Variants in WDR3 observed in about 807,000 individuals in gnomAD.
The protein encoded by WDR3 is WD repeat domain 3.
A neutral mutation model predicts 123.7 loss-of-function variants in WDR3; 81 were observed. That is an observed-to-expected ratio of 0.65 (90% confidence interval 0.55 to 0.79). The LOEUF (loss-of-function observed/expected upper bound fraction) is 0.79. Among genes scored for constraint, WDR3 ranks in the 30% least tolerant of loss-of-function variants. The pLI, the probability that WDR3 is intolerant of heterozygous loss-of-function variation, is 0.00. For missense variants in WDR3, 1,027 were observed against 1,123.2 expected (o/e 0.91, Z 1.22); for synonymous variants, 390 against 388.8 (o/e 1.00, Z -0.04).
At chr1:117,953,793 C>T in intron 21 of WDR3, 1 of 602,260 alleles carries the variant, frequency 1.7e-6, no homozygotes, top group South Asian at 2.2e-5. Context: ...TATCATCCCA[C>T]CTGAGTCCAT....
At chr1:117,949,346 C>G (rs570821617) in intron 13 of WDR3, among the ~76,000 whole-genome samples, 1 of 152,016 alleles carries the variant, frequency 6.6e-6, no homozygotes, top group African/African-American at 2.4e-5. Context: ...TTCTTGATAA[C>G]GGAAAACAGC....
intron 24 of WDR3, 147 bp downstream of exon 24, chr1:117,955,505 A>G: frequency 1.3e-6 from 1 of 747,500 alleles, no homozygotes; most frequent in Non-Finnish European, 2.0e-6. Context: ...ATAATTTATA[A>G]TGTTCTTTTT....
chr1:117,953,429 A>T (rs761933975), intron 20 of WDR3, 47 bp from the exon 21 acceptor site: 1 of 1,579,604 alleles, frequency 6.3e-7, no homozygotes, highest in South Asian at 1.1e-5. Flanking sequence ...CAGCTCTTTA[A>T]CTCAACAGTC....
At chr1:117,953,953 C>T in intron 21 of WDR3, 54 bp from the exon 22 acceptor site, 1 of 1,471,302 alleles carries the variant, frequency 6.8e-7, no homozygotes, top group Non-Finnish European at 9.3e-7. Context: ...GTTTCAGTGT[C>T]CTGGGATGAT....
At chr1:117,949,576 G>T (rs950267706) in intron 13 of WDR3, among the ~76,000 whole-genome samples, 175 bp from the exon 14 acceptor site, 1 of 152,124 alleles carries the variant, frequency 6.6e-6, no homozygotes, top group African/African-American at 2.4e-5. Flanking sequence ...TTCACATAAG[G>T]TTTGTGGCAG....
intron 12 of WDR3, 141 bp from the exon 13 acceptor site, chr1:117,948,263 CA>C (rs1651478101): frequency 3.1e-6 from 2 of 655,652 alleles, no homozygotes; most frequent in Non-Finnish European, 5.3e-6. Context: ...AAATACAGAA[CA>C]TGGAATGTGG....
Position 117,941,785 on chromosome 1 carries a change from T to C in WDR3, c.927T>C (p.Leu309=), listed in dbSNP as rs767863622. The C allele has an allele frequency of 5.0e-6, 8 of 1,610,932 alleles. No individual in the cohort carries two copies. In the South Asian group the frequency reaches 8.9e-5, roughly 18 times the overall value. Residue 309 remains leucine (L), a synonymous_variant, in exon 9 of 27, where the codon CTT becomes CTC. Coordinates refer to ENST00000349139, the MANE Select transcript of WDR3 (RefSeq NM_006784.3). The stretch of plus-strand genomic sequence containing the variant: ...CTGTGCTAGAATTGTTTTGTATCCT[T>C]TCCAAAAAGGAAATTCAGAAGAAAA... ...TDSVLELFCI[L]SKKEIQKKMD...
Position 117,963,931 on chromosome 1 carries a change from TA to T in WDR3, c.*4488del. On this transcript the variant is annotated 3_prime_UTR_variant, in exon 27 of 27. Transcript: ENST00000349139. ...GTCGTTTATCATAATTGCTGCTTGTTAAAACAGGTAAAATACTTGTTAAGGG... is the reference window on the plus strand; with the variant it reads ...GTCGTTTATCATAATTGCTGCTTGTTAAACAGGTAAAATACTTGTTAAGGG... 1 of 1,613,790 alleles carries T rather than the reference TA, an allele frequency of 6.2e-7. No homozygotes were observed. Among genetic ancestry groups the T allele is most frequent in the East Asian group, 2.2e-5 (1 of 44,872 alleles).
At chr1:117,941,024 A>G in intron 7 of WDR3, 84 bp downstream of exon 7, 1 of 1,574,998 alleles carries the variant, frequency 6.3e-7, no homozygotes, top group Admixed American at 1.8e-5. Context: ...TCATCACTTT[A>G]GGGAATATTT....
intron 25 of WDR3, among the ~76,000 whole-genome samples, chr1:117,958,421 T>C (rs1312586136): frequency 2.0e-5 from 3 of 152,234 alleles, no homozygotes; most frequent in South Asian, 4.1e-4. Context: ...TGAATACTTA[T>C]AGCGTATCAG....
At position 117,964,271 on chromosome 1, in the gene WDR3, A is replaced by G. The variant is rs1315517946; in HGVS notation, c.*4824A>G. Reference sequence around the variant, plus strand: ...TTTTTTTTGGTGGGGAGAGGGACAGATCATTGTTGACACTGTAAGTAAGTA... The same window carrying G: ...TTTTTTTTGGTGGGGAGAGGGACAGGTCATTGTTGACACTGTAAGTAAGTA... On this transcript the variant is annotated 3_prime_UTR_variant, in exon 27 of 27. Transcript: ENST00000349139. 1 of 174,578 alleles carries G rather than the reference A, an allele frequency of 5.7e-6. No homozygotes were observed. Among genetic ancestry groups the G allele is most frequent in the Non-Finnish European group, 1.2e-5 (1 of 82,886 alleles). The allele number at this position is 174,578 out of a possible 1,614,324, so 10.8% of individuals were successfully genotyped here.
intron 13 of WDR3, 133 bp downstream of exon 13, chr1:117,948,639 T>A: frequency 2.0e-6 from 1 of 509,742 alleles, no homozygotes; most frequent in Non-Finnish European, 3.3e-6. Flanking sequence ...ATATGATGCC[T>A]TCTTATAAAT....
chr1:117,930,368 T>C (rs984945984), intron 1 of WDR3, among the ~76,000 whole-genome samples: 2 of 152,060 alleles, frequency 1.3e-5, no homozygotes, highest in African/African-American at 4.8e-5. Context: ...GAAGATAATA[T>C]TAGTTAAAAG....
At chr1:117,941,691 G>A in intron 8 of WDR3, 59 bp from the exon 9 acceptor site, 8 of 1,560,908 alleles carry the variant, frequency 5.1e-6, no homozygotes, top group Non-Finnish European at 6.9e-6. Flanking sequence ...TTTTAATTGA[G>A]AATTAGGTAA....
In WDR3 at chr1:117,934,686, A is replaced by C. The variant is rs1477830526; in HGVS notation, c.381+4A>C. 1 of 1,612,716 alleles carries C rather than the reference A, an allele frequency of 6.2e-7. No homozygotes were observed. The highest frequency in any genetic ancestry group is 2.2e-5 in the East Asian group (1 of 44,878). ...CAGACTGGCATCTGGGTCCAAGGTG[A>C]GCCTTTGAATCAGCCCAGGCTTTGA... On this transcript the variant is annotated splice_donor_region_variant and intron_variant, in intron 3 of 26. Transcript: ENST00000349139.
At position 117,949,996 on chromosome 1, in the gene WDR3, C is replaced by G; in HGVS notation, c.1612C>G (p.Leu538Val). 2 of 1,613,780 alleles carry G rather than the reference C, an allele frequency of 1.2e-6. No individual in the cohort carries two copies. The highest frequency in any genetic ancestry group is 1.7e-6 in the Non-Finnish European group (2 of 1,179,876). The change falls in exon 15 of 27, where the codon CTT becomes GTT. Residue 538 changes from leucine to valine, a missense_variant and splice_region_variant. Transcript: ENST00000349139. ...TCTTGATGTTTTTTGTGGTGCTAGA[C>G]TTTCTGTGAAGCAAACCCGAACTTT... ...VKDENSTQKR[L>V]SVKQTRTLQL... is the part of the protein sequence containing the mutation.
chr1:117,942,308 C>G (rs1651198345), intron 9 of WDR3, 129 bp from the exon 10 acceptor site: 1 of 718,222 alleles, frequency 1.4e-6, no homozygotes, highest in East Asian at 2.6e-5. Flanking sequence ...CATGGTAATC[C>G]TGTGTGGTTA....
chr1:117,943,647 T>C, intron 11 of WDR3, 21 bp downstream of exon 11: 2 of 1,609,736 alleles, frequency 1.2e-6, no homozygotes, highest in Middle Eastern at 3.4e-4. Flanking sequence ...TGATGTTTTA[T>C]ATAGCTGTAG....
intron 5 of WDR3, among the ~76,000 whole-genome samples, 169 bp downstream of exon 5, chr1:117,938,727 G>A (rs571270062): frequency 6.6e-6 from 1 of 152,192 alleles, no homozygotes; most frequent in Non-Finnish European, 1.5e-5. Context: ...CCAGCCATTG[G>A]AGCAGATACT....
Sources: gnomAD v4.1 joint callset for allele counts (sites outside exome capture counted in the v4.1 genomes callset) on GRCh38, gnomAD v4.1.1 for gene constraint, MANE v1.5 for transcripts, NCBI Gene and HGNC (gene_info 2026-07-23, HGNC 2026-07-21) for gene names.